VPS13B: variants seen among roughly 807,000 people sequenced by gnomAD.
VPS13B encodes the protein intermembrane lipid transfer protein VPS13B.
Under a neutral mutation model 426.4 loss-of-function variants are expected in VPS13B, and 285 were observed. The observed-to-expected ratio is 0.67, with a 90% CI of 0.61 to 0.74. VPS13B has a LOEUF of 0.74. Among genes scored for constraint, VPS13B ranks in the 30% least tolerant of loss-of-function variants. VPS13B has a pLI of 0.00. For missense variants in VPS13B, 4,537 were observed against 4,782.6 expected (o/e 0.95, Z 1.51); for synonymous variants, 1,676 against 1,676.4 (o/e 1.00, Z 0.01).
intron 21 of VPS13B, among the ~76,000 whole-genome samples, chr8:99,394,897 A>C (rs1312673635): frequency 1.3e-5 from 2 of 152,236 alleles, no homozygotes; most frequent in African/African-American, 4.8e-5. Flanking sequence ...GATTTGGTAG[A>C]TAATACTATA....
chr8:99,535,598 TTTTTA>T (rs1201898437), intron 30 of VPS13B, among the ~76,000 whole-genome samples: 1 of 152,172 alleles, frequency 6.6e-6, no homozygotes, highest in Non-Finnish European at 1.5e-5. Context: ...AATTTTTTTC[TTTTTA>T]CTTTTTTCAT....
At chr8:99,138,215 C>A (rs1303842791) in intron 12 of VPS13B, among the ~76,000 whole-genome samples, 2 of 152,110 alleles carry the variant, frequency 1.3e-5, no homozygotes, top group African/African-American at 4.8e-5. Flanking sequence ...CAACTTCTGC[C>A]TCCCTGGTTC....
At chr8:99,779,258 G>C (rs1360103601) in intron 42 of VPS13B, among the ~76,000 whole-genome samples, 1 of 152,148 alleles carries the variant, frequency 6.6e-6, no homozygotes, top group Non-Finnish European at 1.5e-5. Flanking sequence ...TGGAGATCAT[G>C]CCCACATTTT....
At chr8:99,789,944 A>T (rs989959608) in intron 43 of VPS13B, among the ~76,000 whole-genome samples, 1 of 152,042 alleles carries the variant, frequency 6.6e-6, no homozygotes, top group Non-Finnish European at 1.5e-5. Context: ...TCACATTTTT[A>T]TGTACTTTTC....
At chr8:99,441,928 AGT>A (rs1423765529) in intron 22 of VPS13B, among the ~76,000 whole-genome samples, 2 of 152,144 alleles carry the variant, frequency 1.3e-5, no homozygotes, top group African/African-American at 2.4e-5. Flanking sequence ...ATGGTTGTCT[AGT>A]GTTATAAATT....
Position 99,284,006 on chromosome 8 carries a change from G to A in VPS13B, c.2824+8752G>A, listed in dbSNP as rs1318008197. On this transcript the variant is annotated intron_variant, in intron 19 of 61. Transcript: ENST00000357162. ...ATACACACACAAGACGAAAGGTGTG[G>A]TAAACTATTTGCCATATGCATTTTA... Among the ~76,000 whole-genome samples, 3 of 152,042 alleles carry A rather than the reference G, an allele frequency of 2.0e-5. No homozygotes were observed. The East Asian group carries it at 5.8e-4, about 29-fold the overall frequency.
intron 60 of VPS13B, 159 bp downstream of exon 60, chr8:99,871,046 G>GGAA (rs1212650617): frequency 2.6e-6 from 2 of 755,706 alleles, no homozygotes; most frequent in East Asian, 5.5e-5. Context: ...TAGAGGGACA[G>GGAA]GAAGAGGCTG....
At chr8:99,418,916 A>G (rs1444701910) in intron 21 of VPS13B, among the ~76,000 whole-genome samples, 1 of 152,190 alleles carries the variant, frequency 6.6e-6, no homozygotes, top group Non-Finnish European at 1.5e-5. Context: ...CTTTCTGCAA[A>G]CTTGTAAATA....
At chr8:99,365,003 T>C (rs1322752626) in intron 19 of VPS13B, among the ~76,000 whole-genome samples, 1 of 152,194 alleles carries the variant, frequency 6.6e-6, no homozygotes, top group Non-Finnish European at 1.5e-5. Context: ...GCTTCAGTCT[T>C]GGTAGGTTAC....
At chr8:99,027,734 TA>T (rs1842213015) in intron 2 of VPS13B, among the ~76,000 whole-genome samples, 3 of 152,112 alleles carry the variant, frequency 2.0e-5, no homozygotes, top group South Asian at 4.1e-4. Context: ...TTTATTTTTT[TA>T]TTTTTTTATT....
chr8:99,367,164 G>T (rs1045524853), intron 19 of VPS13B, among the ~76,000 whole-genome samples: 2 of 152,100 alleles, frequency 1.3e-5, no homozygotes, highest in African/African-American at 4.8e-5. Flanking sequence ...AATTCCTTTA[G>T]CATTTCTTTT....
At chr8:99,598,722 C>T (rs928587765) in intron 33 of VPS13B, among the ~76,000 whole-genome samples, 4 of 151,922 alleles carry the variant, frequency 2.6e-5, no homozygotes, top group Non-Finnish European at 5.9e-5. Context: ...AGCATTCCTT[C>T]CTTTGCCTTC....
rs149890644 is a variant in VPS13B at position 99,799,197 on chromosome 8, C to A, written c.7942-10178C>A. Reference sequence around the variant, plus strand: ...AGATGCATGGAATGTTGGATGACTTCATAGTTATAAAATTATTTCATTTCT... The same window carrying A: ...AGATGCATGGAATGTTGGATGACTTAATAGTTATAAAATTATTTCATTTCT... On this transcript the variant is annotated intron_variant, in intron 43 of 61. Coordinates refer to ENST00000357162, the MANE Select transcript of VPS13B (RefSeq NM_152564.5). The A allele has an allele frequency of 5.2e-3, 798 of 152,306 alleles. 5 individuals are homozygous for A. The highest frequency in any genetic ancestry group is 0.018 in the African/African-American group (759 of 41,572). 9.4% of individuals were successfully genotyped at this position (152,306 alleles called of 1,614,324 possible).
At chr8:99,020,929 A>G (rs925732929) in intron 2 of VPS13B, among the ~76,000 whole-genome samples, 2 of 152,272 alleles carry the variant, frequency 1.3e-5, no homozygotes, top group Admixed American at 1.3e-4. Flanking sequence ...ACATGAAGTC[A>G]TCTGGGTAAT....
intron 17 of VPS13B, among the ~76,000 whole-genome samples, chr8:99,221,799 C>G (rs1008458552): frequency 6.6e-6 from 1 of 152,140 alleles, no homozygotes; most frequent in South Asian, 2.1e-4. Flanking sequence ...AACTTGAACT[C>G]CTGGGCTCAG....
At chr8:99,475,866 T>C (rs1356661206) in intron 24 of VPS13B, among the ~76,000 whole-genome samples, 1 of 152,206 alleles carries the variant, frequency 6.6e-6, no homozygotes, top group African/African-American at 2.4e-5. Flanking sequence ...TGAATGAACC[T>C]TATGCACTGA....
intron 3 of VPS13B, among the ~76,000 whole-genome samples, chr8:99,064,521 G>A (rs375525743): frequency 5.3e-5 from 8 of 152,108 alleles, no homozygotes; most frequent in Admixed American, 4.6e-4. Context: ...ATTGAAGATC[G>A]AATTAATGAA....
Position 99,796,188 on chromosome 8 carries a change from AG to A in VPS13B, c.7941+11713del, listed in dbSNP as rs148070828. 5.9e-3 allele frequency among the ~76,000 whole-genome samples: 902 copies of A among 152,252 alleles called. 8 individuals carry two copies. The highest frequency in any genetic ancestry group is 0.021 in the African/African-American group (860 of 41,534). On this transcript the variant is annotated intron_variant, in intron 43 of 61. Coordinates refer to ENST00000357162, the MANE Select transcript of VPS13B (RefSeq NM_152564.5). Reference sequence around the variant, plus strand: ...GTTGTTAAATGTCCTAAGGGAACTGAGTGAGGTAAGAATTGAAAAAAAGAGA... The same window carrying A: ...GTTGTTAAATGTCCTAAGGGAACTGATGAGGTAAGAATTGAAAAAAAGAGA...
chr8:99,360,541 T>G (rs1812505437), intron 19 of VPS13B, among the ~76,000 whole-genome samples: 1 of 152,038 alleles, frequency 6.6e-6, no homozygotes, highest in South Asian at 2.1e-4. Context: ...CCTCCTAAAG[T>G]GCTGGGATTA....
Sources: allele counts gnomAD v4.1 joint callset (sites outside exome capture counted in the v4.1 genomes callset), GRCh38; gene constraint gnomAD v4.1.1; transcripts MANE v1.5; gene names NCBI Gene and HGNC (gene_info 2026-07-23, HGNC 2026-07-21).